Variants in PLOD2 observed in about 807,000 individuals in gnomAD.
PLOD2 encodes the protein procollagen-lysine,2-oxoglutarate 5-dioxygenase 2, also known as lysine hydroxylase 2.
A neutral mutation model predicts 101.0 loss-of-function variants in PLOD2; 65 were observed. The observed-to-expected ratio is 0.64, with a 90% CI of 0.53 to 0.79. The LOEUF is 0.79. PLOD2 is among the 30% of genes least tolerant of loss of function. The pLI is 0.00. For synonymous variants in PLOD2, 314 were observed against 302.9 expected, an observed-to-expected ratio of 1.04 and a Z score of -0.38; for missense variants, 909 against 914.6, an observed-to-expected ratio of 0.99 and a Z score of 0.08.
intron 7 of PLOD2, among the ~76,000 whole-genome samples, chr3:146,102,448 C>A (rs1444402585): frequency 1.3e-5 from 2 of 152,082 alleles, no homozygotes; most frequent in East Asian, 3.9e-4. Flanking sequence ...CTGAGCAATT[C>A]CTAATGAGAA....
At position 146,155,151 on chromosome 3, in the gene PLOD2, T is replaced by G. The variant is rs551313383; in HGVS notation, c.109+5730A>C. 4.0e-5 allele frequency among the ~76,000 whole-genome samples: 6 copies of G among 151,552 alleles called. No homozygotes were observed. The South Asian group carries it at 1.3e-3, about 32-fold the overall frequency. ...ATTACCAAATATGGGTTGCAACATG[T>G]AGGCTTTAAGGTGGTAAGCAGAATA... On this transcript the variant is annotated intron_variant, in intron 1 of 19. Transcript: ENST00000282903.
Position 146,160,992 on chromosome 3 carries a change from T to G in PLOD2, c.-3A>C. The G allele has an allele frequency of 1.9e-6, 3 of 1,567,064 alleles. No homozygotes were observed. Among genetic ancestry groups the G allele is most frequent in the Non-Finnish European group, 2.6e-6 (3 of 1,154,698 alleles). ...GGCTTCACCGTGCATCCCCCCATAT[T>G]CGGCCCTCGAGGGCCGCGCGGGCTC... is the stretch of plus-strand genomic sequence containing the variant. On this transcript the variant is annotated 5_prime_UTR_variant, in exon 1 of 20. Transcript: ENST00000282903.
intron 3 of PLOD2, among the ~76,000 whole-genome samples, chr3:146,113,718 T>C (rs761361918): frequency 2.0e-5 from 3 of 152,176 alleles, no homozygotes; most frequent in African/African-American, 7.2e-5. Context: ...CCTGTGATGA[T>C]TGCATTAACT....
In PLOD2 at chr3:146,096,893, T is replaced by G. The variant is rs1316991506; in HGVS notation, c.778-4992A>C. Among the ~76,000 whole-genome samples, 84 of 49,478 alleles carry G rather than the reference T, an allele frequency of 1.7e-3. 1 individual carries two copies. The highest frequency in any genetic ancestry group is 3.9e-3 in the South Asian group (5 of 1,278). 32.5% of individuals were successfully genotyped at this position (49,478 alleles called of 152,430 possible). On this transcript the variant is annotated intron_variant, in intron 7 of 19. Coordinates refer to ENST00000282903, the MANE Select transcript of PLOD2 (RefSeq NM_182943.3). ...CCGGGAGGGAGGTGGGGGGGGGGAG[T>G]CGGCCAGCCGCCCCGTCCAGGAGGT...
At chr3:146,150,423 C>T (rs1048707112) in intron 1 of PLOD2, among the ~76,000 whole-genome samples, 3 of 151,612 alleles carry the variant, frequency 2.0e-5, no homozygotes, top group Admixed American at 6.6e-5. Context: ...ATGTTTTTTG[C>T]GAGAACATGG....
rs573392932 is a variant in PLOD2, at chr3:146,074,028, A to C, written c.1678-676T>G. ...GCACTTCTTTCAGTTACTAAAATTA[A>C]GGGTTAGGGCTCTATATTAAAAAAT... On this transcript the variant is annotated intron_variant, in intron 15 of 19. Transcript: ENST00000282903. Among the ~76,000 whole-genome samples the C allele has an allele frequency of 2.0e-5, 3 of 151,484 alleles. No individual in the cohort carries two copies. The South Asian group carries it at 6.2e-4, about 31-fold the overall frequency.
At chr3:146,098,900 C>T (rs1405588008) in intron 7 of PLOD2, among the ~76,000 whole-genome samples, 2 of 152,092 alleles carry the variant, frequency 1.3e-5, no homozygotes, top group African/African-American at 4.8e-5. Context: ...TAATAATCAG[C>T]CTTCTTTCCC....
At chr3:146,126,192 C>A (rs2108101629) in intron 1 of PLOD2, among the ~76,000 whole-genome samples, 1 of 152,298 alleles carries the variant, frequency 6.6e-6, no homozygotes, top group African/African-American at 2.4e-5. Flanking sequence ...AGAACTCCTA[C>A]TGTTTCAGTA....
intron 1 of PLOD2, chr3:146,160,644 C>G: frequency 1.8e-6 from 1 of 544,608 alleles, no homozygotes; most frequent in Middle Eastern, 4.8e-4. Context: ...CAGGGAAATT[C>G]GGGCACGCTG....
intron 7 of PLOD2, among the ~76,000 whole-genome samples, chr3:146,102,408 G>A (rs1012132014): frequency 2.6e-5 from 4 of 152,084 alleles, no homozygotes; most frequent in African/African-American, 9.7e-5. Context: ...AAAACGGCAA[G>A]TCAGGTGAAA....
chr3:146,107,783 A>G (rs1937563173), intron 4 of PLOD2, among the ~76,000 whole-genome samples: 1 of 151,832 alleles, frequency 6.6e-6, no homozygotes, highest in African/African-American at 2.4e-5. Context: ...AGTTGGGATT[A>G]CAGGCACCCA....
At chr3:146,104,376 GACA>G (rs1261211697) in intron 5 of PLOD2, 34 bp from the exon 6 acceptor site, 2 of 1,103,646 alleles carry the variant, frequency 1.8e-6, no homozygotes, top group Non-Finnish European at 2.8e-6. Context: ...TATTGAAAAT[GACA>G]ACAAAAACAG....
intron 6 of PLOD2, among the ~76,000 whole-genome samples, chr3:146,103,673 A>G (rs1003772757): frequency 3.3e-5 from 5 of 152,070 alleles, no homozygotes; most frequent in African/African-American, 1.2e-4. Flanking sequence ...ATTGAATTGC[A>G]ATATATTCTC....
At chr3:146,084,487 C>G (rs1936687635) in intron 11 of PLOD2, among the ~76,000 whole-genome samples, 1 of 152,066 alleles carries the variant, frequency 6.6e-6, no homozygotes, top group Non-Finnish European at 1.5e-5. Context: ...GCTAAACATT[C>G]TATTTATTAT....
In PLOD2 at chr3:146,112,635, G is replaced by A. The variant is rs1054361409; in HGVS notation, c.339-2187C>T. ...TGGGAGGTCAAGGCGGGCGGATCAT[G>A]AGGTCAAGAGATCAAGACCATCCTG... On this transcript the variant is annotated intron_variant, in intron 3 of 19. Coordinates refer to ENST00000282903, the MANE Select transcript of PLOD2 (RefSeq NM_182943.3). 3.3e-5 allele frequency among the ~76,000 whole-genome samples: 5 copies of A among 152,184 alleles called. No individual in the cohort carries two copies. In the East Asian group the frequency reaches 9.7e-4, roughly 29 times the overall value.
chr3:146,082,202 TTAAC>T (rs1405304446), intron 11 of PLOD2, among the ~76,000 whole-genome samples: 1 of 152,194 alleles, frequency 6.6e-6, no homozygotes, highest in African/African-American at 2.4e-5. Flanking sequence ...ATATTTAAGT[TTAAC>T]TAAAGTATTT....
chr3:146,102,479 A>G (rs1937417783), intron 7 of PLOD2, among the ~76,000 whole-genome samples: 1 of 152,206 alleles, frequency 6.6e-6, no homozygotes, highest in African/African-American at 2.4e-5. Flanking sequence ...GTATGAGAGA[A>G]ATGTGGCTCA....
chr3:146,110,447 A>C lies in PLOD2; in HGVS notation c.340T>G (p.Phe114Val). 6.2e-7 allele frequency: 1 copy of C among 1,606,042 alleles called. No individual in the cohort carries two copies. The highest frequency in any genetic ancestry group is 8.5e-7 in the Non-Finnish European group (1 of 1,176,898). Reference protein sequence around the residue: ...DDLVVMFTECFDVIFAGGPEE... With the variant: ...DDLVVMFTECVDVIFAGGPEE... The stretch of plus-strand genomic sequence containing the variant: ...GGACCACCAGCAAATATGACATCAA[A>C]GCTGTTCAATGAGGAAAAAATGTGT... Residue 114 changes from phenylalanine (F) to valine (V), a missense_variant and splice_region_variant, in exon 4 of 20, where the codon TTT becomes GTT. By Grantham distance (50) the Phe-to-Val change is conservative. Transcript: ENST00000282903.
At chr3:146,144,900 A>C (rs753417656) in intron 1 of PLOD2, among the ~76,000 whole-genome samples, 1 of 152,120 alleles carries the variant, frequency 6.6e-6, no homozygotes, top group Non-Finnish European at 1.5e-5. Context: ...ACTAATTGAT[A>C]GTGTGTTCAT....
Sources: allele counts gnomAD v4.1 joint callset (sites outside exome capture counted in the v4.1 genomes callset), GRCh38; gene constraint gnomAD v4.1.1; transcripts MANE v1.5; gene names NCBI Gene and HGNC (gene_info 2026-07-23, HGNC 2026-07-21).